The following PRELID2 variants were observed in gnomAD, a reference collection of about 807,000 sequenced individuals.
PRELID2 encodes PRELI domain-containing protein 2.
Under a neutral mutation model 28.4 loss-of-function variants are expected in PRELID2, and 25 were observed. That is an observed-to-expected ratio of 0.88 (90% CI 0.64 to 1.23). The LOEUF (loss-of-function observed/expected upper bound fraction) is 1.23. PRELID2 is among the 50% of genes most tolerant of loss of function. The pLI is 0.00. For missense variants in PRELID2, 201 were observed against 214.4 expected (o/e 0.94, Z 0.39); for synonymous variants, 76 against 71.6 (o/e 1.06, Z -0.31).
At chr5:145,703,131 T>C (rs894241963) in intron 1 of PRELID2, among the ~76,000 whole-genome samples, 1 of 152,178 alleles carries the variant, frequency 6.6e-6, no homozygotes, top group Non-Finnish European at 1.5e-5. Flanking sequence ...ACTAAGTCTT[T>C]GGAAGAAGCC....
intron 1 of PRELID2, among the ~76,000 whole-genome samples, chr5:145,686,132 C>T (rs948724571): frequency 7.2e-5 from 11 of 152,170 alleles, no homozygotes; most frequent in African/African-American, 2.4e-4. Flanking sequence ...TGTAAACCCA[C>T]TCACTTTACC....
intron 1 of PRELID2, among the ~76,000 whole-genome samples, chr5:145,739,851 T>C (rs1470430434): frequency 6.6e-6 from 1 of 151,488 alleles, no homozygotes; most frequent in East Asian, 1.9e-4. Flanking sequence ...CAAAACAATT[T>C]ACTCAAAACC....
At chr5:145,261,371 C>T in the PRELID2 span, among the ~76,000 whole-genome samples, 30 of 152,316 alleles carry the variant, frequency 2.0e-4, no homozygotes, top group Non-Finnish European at 4.0e-4. Context: ...GGAGGCCAAC[C>T]AACACAAAAC....
chr5:145,373,308 A>C, the PRELID2 span, among the ~76,000 whole-genome samples: 1 of 105,172 alleles, frequency 9.5e-6, no homozygotes, highest in African/African-American at 3.6e-5. Context: ...AATATACGAT[A>C]TATATTACAA....
At chr5:145,403,054 T>C in the PRELID2 span, among the ~76,000 whole-genome samples, 6 of 152,152 alleles carry the variant, frequency 3.9e-5, no homozygotes, top group Non-Finnish European at 7.4e-5. Flanking sequence ...CCACACATGC[T>C]CTTTTTAATG....
the PRELID2 span, among the ~76,000 whole-genome samples, chr5:145,291,046 T>TA: frequency 2.5e-3 from 368 of 149,908 alleles, 7 homozygotes; most frequent in East Asian, 0.054. Flanking sequence ...ATCATTACTT[T>TA]AAAAAAAAAG....
At chr5:145,541,957 TC>T (rs760236171) in intron 1 of PRELID2, among the ~76,000 whole-genome samples, 7 of 152,102 alleles carry the variant, frequency 4.6e-5, no homozygotes, top group African/African-American at 1.4e-4. Context: ...ATCTTTATGT[TC>T]TACATTAGAA....
At chr5:145,790,701 T>TTGTG (rs148531864) in intron 5 of PRELID2, among the ~76,000 whole-genome samples, 2,251 of 104,878 alleles carry the variant, frequency 0.021, 86 homozygotes, top group African/African-American at 0.067. Context: ...TAATTCCACA[T>TTGTG]TGTGTGTGTG....
intron 4 of PRELID2, among the ~76,000 whole-genome samples, chr5:145,816,399 A>G (rs1754311702): frequency 6.6e-6 from 1 of 152,064 alleles, no homozygotes; most frequent in African/African-American, 2.4e-5. Flanking sequence ...CACCTTCTTG[A>G]CAGTGTCCCT....
chr5:145,498,976 A>G (rs557144775), intron 1 of PRELID2, among the ~76,000 whole-genome samples: 11 of 152,358 alleles, frequency 7.2e-5, no homozygotes. Flanking sequence ...GAGTTAAAAA[A>G]AAGACAAAAT....
chr5:145,531,490 CTGTT>C (rs940785944), intron 1 of PRELID2, among the ~76,000 whole-genome samples: 3 of 152,286 alleles, frequency 2.0e-5, no homozygotes, highest in East Asian at 3.9e-4. Context: ...GGCTGGAAAA[CTGTT>C]TGGCAAGTGG....
chr5:145,694,962 T>G (rs1486630517), intron 1 of PRELID2, among the ~76,000 whole-genome samples: 1 of 152,134 alleles, frequency 6.6e-6, no homozygotes, highest in Admixed American at 6.6e-5. Context: ...AATACAAGTA[T>G]TCCATCACCC....
chr5:145,595,171 C>CACACATACACACACACACACACAT (rs1234009552), intron 1 of PRELID2, among the ~76,000 whole-genome samples: 14 of 149,502 alleles, frequency 9.4e-5, no homozygotes, highest in South Asian at 6.4e-4. Context: ...GACACACACA[C>CACACATACACACACACACACACAT]ACACACACAC....
chr5:145,549,377 G>T (rs1752813503), intron 1 of PRELID2, among the ~76,000 whole-genome samples: 1 of 152,198 alleles, frequency 6.6e-6, no homozygotes. Flanking sequence ...GATCCAGGTA[G>T]TATATTTAGA....
the PRELID2 span, among the ~76,000 whole-genome samples, chr5:145,247,501 T>C: frequency 6.6e-6 from 1 of 152,112 alleles, no homozygotes; most frequent in African/African-American, 2.4e-5. Flanking sequence ...TTGAACCATC[T>C]TCTGAAAAAA....
chr5:145,819,422 G>T (rs777178400), intron 3 of PRELID2: 6 of 1,580,804 alleles, frequency 3.8e-6, no homozygotes, highest in Non-Finnish European at 4.3e-6. Context: ...GGACTTCAAA[G>T]AGAGAAAACA....
intron 1 of PRELID2, among the ~76,000 whole-genome samples, chr5:145,614,936 T>G (rs1753672546): frequency 6.6e-6 from 1 of 152,180 alleles, no homozygotes; most frequent in Non-Finnish European, 1.5e-5. Context: ...TCCCAATGTA[T>G]AGTTTAAATC....
rs534030679 is a variant in PRELID2, at chr5:145,705,162, T to TA, written n.70+59768dup. Among the ~76,000 whole-genome samples the TA allele has an allele frequency of 5.1e-4, 77 of 151,056 alleles. 1 individual carries two copies. The East Asian group carries it at 0.011, about 21-fold the overall frequency. The stretch of plus-strand genomic sequence containing the variant: ...AAATGGAAAGCACTCTAACAACTGA[T>TA]AAAAAAACAACAGATCTGAACCCAA... On this transcript the variant is annotated intron_variant and non_coding_transcript_variant, in intron 1 of 2. Coordinates refer to the PRELID2 transcript ENST00000510259.
intron 1 of PRELID2, among the ~76,000 whole-genome samples, chr5:145,566,920 C>A (rs1233629810): frequency 6.7e-6 from 1 of 149,726 alleles, no homozygotes; most frequent in South Asian, 2.1e-4. Flanking sequence ...AAAGTGTGAA[C>A]AGTTTTCTTT....
Sources: allele counts gnomAD v4.1 joint callset (sites outside exome capture counted in the v4.1 genomes callset), GRCh38; gene constraint gnomAD v4.1.1; transcripts MANE v1.5; gene names NCBI Gene and HGNC (gene_info 2026-07-23, HGNC 2026-07-21).